Variants in POU2AF2 observed in about 807,000 individuals in gnomAD.
POU2AF2 encodes the protein POU domain class 2-associating factor 2.
chr11:111,270,224 C>CTT, the POU2AF2 span, among the ~76,000 whole-genome samples: 1 of 152,156 alleles, frequency 6.6e-6, no homozygotes, highest in Non-Finnish European at 1.5e-5. Context: ...GTTGCACCAA[C>CTT]AAGTTAATGA....
chr11:111,260,333 G>GT, the POU2AF2 span, among the ~76,000 whole-genome samples: 1 of 150,024 alleles, frequency 6.7e-6, no homozygotes, highest in Admixed American at 6.7e-5. Flanking sequence ...ATTGTAATAG[G>GT]TTAAAAAAAA....
chr11:111,273,425 C>A, the POU2AF2 span, among the ~76,000 whole-genome samples: 1,898 of 152,184 alleles, frequency 0.012, 27 homozygotes, highest in Middle Eastern at 0.037. Flanking sequence ...GCCTCACAAC[C>A]ATAGAAATGA....
chr11:111,247,902 G>A, the POU2AF2 span, among the ~76,000 whole-genome samples: 7 of 118,336 alleles, frequency 5.9e-5, no homozygotes, highest in South Asian at 2.9e-4. Flanking sequence ...TTTTTTAGAC[G>A]GAGTCTCGCT....
chr11:111,264,358 T>TG, the POU2AF2 span, among the ~76,000 whole-genome samples: 9 of 151,898 alleles, frequency 5.9e-5, no homozygotes, highest in Non-Finnish European at 1.0e-4. Context: ...TAGCCTGGCA[T>TG]GGTGGTGTGC....
At chr11:111,285,124 A>C in the POU2AF2 span, among the ~76,000 whole-genome samples, 1 of 152,210 alleles carries the variant, frequency 6.6e-6, no homozygotes, top group Non-Finnish European at 1.5e-5. Context: ...AGTCAGGAGG[A>C]GCCACGAATG....
chr11:111,280,024 G>C, the POU2AF2 span, among the ~76,000 whole-genome samples: 1 of 121,328 alleles, frequency 8.2e-6, no homozygotes, highest in South Asian at 2.7e-4. Context: ...CTGGGTGAGA[G>C]AGTGAGACTC....
At chr11:111,274,488 T>A in the POU2AF2 span, among the ~76,000 whole-genome samples, 1 of 151,852 alleles carries the variant, frequency 6.6e-6, no homozygotes, top group African/African-American at 2.4e-5. Context: ...GTAAATTACA[T>A]CTCAATAAAG....
At chr11:111,280,057 A>AAAAATAT in the POU2AF2 span, among the ~76,000 whole-genome samples, 21 of 76,478 alleles carry the variant, frequency 2.7e-4, no homozygotes, top group Non-Finnish European at 5.1e-4. Context: ...AAAAAAAAAA[A>AAAAATAT]ATATATATAT....
chr11:111,276,535 G>A, the POU2AF2 span, among the ~76,000 whole-genome samples: 1 of 142,876 alleles, frequency 7.0e-6, no homozygotes, highest in African/African-American at 2.6e-5. Flanking sequence ...CCAACTACTT[G>A]GGAGGCTGAG....
the POU2AF2 span, among the ~76,000 whole-genome samples, chr11:111,252,568 C>T: frequency 3.3e-5 from 5 of 151,922 alleles, no homozygotes; most frequent in Middle Eastern, 3.4e-3. Context: ...GTCGTAGTAA[C>T]TGGCCATACC....
At chr11:111,268,944 T>C in the POU2AF2 span, among the ~76,000 whole-genome samples, 1 of 152,160 alleles carries the variant, frequency 6.6e-6, no homozygotes, top group Non-Finnish European at 1.5e-5. Flanking sequence ...CTCTTTGTGT[T>C]TGACTGCTAA....
At chr11:111,266,880 T>C in the POU2AF2 span, among the ~76,000 whole-genome samples, 18 of 152,306 alleles carry the variant, frequency 1.2e-4, no homozygotes, top group East Asian at 3.3e-3. Flanking sequence ...ACCCACCCTA[T>C]TGCCCTCTTA....
At chr11:111,280,488 C>G in the POU2AF2 span, among the ~76,000 whole-genome samples, 2 of 152,172 alleles carry the variant, frequency 1.3e-5, no homozygotes, top group Non-Finnish European at 2.9e-5. Flanking sequence ...ATGCCTTTCT[C>G]AGTGGTGTGA....
the POU2AF2 span, chr11:111,245,878 A>T: frequency 5.0e-6 from 2 of 398,940 alleles, no homozygotes; most frequent in Non-Finnish European, 8.9e-6. Context: ...GTCAACATCA[A>T]TTATTATAAT....
chr11:111,276,439 G>GAAA, the POU2AF2 span, among the ~76,000 whole-genome samples: 373 of 44,226 alleles, frequency 8.4e-3, 7 homozygotes, highest in African/African-American at 0.013. Context: ...CTACTAAAAA[G>GAAA]AAAAAAAAAA....
chr11:111,280,991 G>C, the POU2AF2 span, among the ~76,000 whole-genome samples: 1 of 152,192 alleles, frequency 6.6e-6, no homozygotes. Flanking sequence ...TGGCAATCAG[G>C]TGTGGTGCTA....
the POU2AF2 span, chr11:111,285,559 G>A: frequency 3.6e-6 from 5 of 1,389,986 alleles, no homozygotes; most frequent in Non-Finnish European, 4.8e-6. Flanking sequence ...GAGAGGGGAC[G>A]AAGGCTGCCC....
the POU2AF2 span, chr11:111,284,215 GC>G: frequency 6.2e-7 from 1 of 1,614,158 alleles, no homozygotes; most frequent in Non-Finnish European, 8.5e-7. Flanking sequence ...CCTCCGCAGG[GC>G]AGAGCCATGC....
the POU2AF2 span, among the ~76,000 whole-genome samples, chr11:111,276,453 A>AATAT: frequency 1.9e-3 from 73 of 37,496 alleles, no homozygotes; most frequent in African/African-American, 2.9e-3. Flanking sequence ...AAAAAAAAAA[A>AATAT]ATATATATAT....
Sources: allele counts gnomAD v4.1 joint callset (sites outside exome capture counted in the v4.1 genomes callset), GRCh38; gene constraint gnomAD v4.1.1; transcripts MANE v1.5; gene names NCBI Gene and HGNC (gene_info 2026-07-23, HGNC 2026-07-21).